SUMF1: variants seen among roughly 807,000 people sequenced by gnomAD.
SUMF1 encodes the protein formylglycine-generating enzyme.
In SUMF1, 48 loss-of-function variants were observed where a neutral mutation model predicts 47.6. The ratio of observed to expected loss-of-function variants is 1.01; its 90% CI spans 0.80 to 1.28. The LOEUF (loss-of-function observed/expected upper bound fraction) is 1.28, where lower values mean the gene tolerates loss of function less well. Ranked by LOEUF, SUMF1 falls within the 50% of genes most tolerant of loss-of-function variation. SUMF1 has a pLI of 0.00. For synonymous variants in SUMF1, 230 were observed against 192.1 expected, an observed-to-expected ratio of 1.20 and a Z score of -1.63; for missense variants, 571 against 485.4, an observed-to-expected ratio of 1.18 and a Z score of -1.66.
intron 8 of SUMF1, among the ~76,000 whole-genome samples, chr3:4,205,191 C>T (rs1039844187): frequency 1.3e-5 from 2 of 152,160 alleles, no homozygotes; most frequent in East Asian, 1.9e-4. Flanking sequence ...TTGCAATCTT[C>T]CCCAACCCTT....
intron 8 of SUMF1, among the ~76,000 whole-genome samples, chr3:4,226,264 C>CTTTTTTTTTTTTTTTTT (rs869300368): frequency 1.8e-4 from 16 of 86,980 alleles, no homozygotes; most frequent in African/African-American, 2.7e-4. Flanking sequence ...TTTTTTGTTT[C>CTTTTTTTTTTTTTTTTT]TTTTTTTTTT....
chr3:4,253,410 G>T (rs568427780), intron 8 of SUMF1, among the ~76,000 whole-genome samples: 2 of 152,326 alleles, frequency 1.3e-5, no homozygotes, highest in African/African-American at 4.8e-5. Flanking sequence ...TGCGTGCACC[G>T]TGCACGAGCG....
intron 7 of SUMF1, among the ~76,000 whole-genome samples, chr3:4,377,536 A>T (rs1700367611): frequency 6.6e-6 from 1 of 152,218 alleles, no homozygotes; most frequent in Non-Finnish European, 1.5e-5. Context: ...GAAGTGTAGG[A>T]AATTAGGCAA....
chr3:4,175,280 T>G (rs1228140328), intron 8 of SUMF1, among the ~76,000 whole-genome samples: 2 of 152,104 alleles, frequency 1.3e-5, no homozygotes, highest in East Asian at 3.9e-4. Flanking sequence ...ACCTCCCAGT[T>G]GGGGTCGACA....
chr3:4,091,490 G>GT (rs1468584937), intron 8 of SUMF1, among the ~76,000 whole-genome samples: 1 of 152,064 alleles, frequency 6.6e-6, no homozygotes, highest in Non-Finnish European at 1.5e-5. Context: ...CCTTTCACCT[G>GT]TGTCTTCCTT....
At chr3:4,201,811 A>G (rs1695546189) in intron 8 of SUMF1, among the ~76,000 whole-genome samples, 1 of 151,944 alleles carries the variant, frequency 6.6e-6, no homozygotes, top group Non-Finnish European at 1.5e-5. Context: ...TTTTCGATGA[A>G]AGCCATTTTA....
chr3:4,398,478 A>G (rs1246647325), intron 7 of SUMF1, among the ~76,000 whole-genome samples: 3 of 152,218 alleles, frequency 2.0e-5, no homozygotes, highest in Non-Finnish European at 2.9e-5. Context: ...ACCTGGTTTT[A>G]TTTCCAGATC....
At position 4,317,520 on chromosome 3, in the gene SUMF1, T is replaced by C. The variant is rs184685231; in HGVS notation, c.1014+58810A>G. 1.3e-3 allele frequency: 303 copies of C among 237,450 alleles called. 1 individual carries two copies. Among genetic ancestry groups the C allele is most frequent in the Middle Eastern group, 3.1e-3 (2 of 636 alleles). 14.7% of individuals were successfully genotyped at this position (237,450 alleles called of 1,614,324 possible). ...CAACATAGTGAGACCCTGACTCTAA[T>C]AAAATAATTTTTTAAAAAAAGATTA... is the stretch of plus-strand genomic sequence containing the variant. On this transcript the variant is annotated intron_variant and NMD_transcript_variant, in intron 8 of 12. Transcript: ENST00000448413.
At chr3:4,425,480 C>T (rs1559292163) in intron 3 of SUMF1, among the ~76,000 whole-genome samples, 2 of 152,064 alleles carry the variant, frequency 1.3e-5, no homozygotes, top group Admixed American at 6.6e-5. Flanking sequence ...TGAAAATCTA[C>T]CCCCATATCT....
intron 8 of SUMF1, chr3:4,068,786 A>T: frequency 3.4e-6 from 1 of 296,532 alleles, no homozygotes; most frequent in East Asian, 9.3e-5. Context: ...AATAATAATA[A>T]CATGAATAGG....
chr3:4,147,258 G>A (rs886495365), intron 8 of SUMF1, among the ~76,000 whole-genome samples: 11 of 152,180 alleles, frequency 7.2e-5, no homozygotes, highest in East Asian at 5.8e-4. Flanking sequence ...TCAGTGTGGC[G>A]ATTCCTCAGG....
chr3:4,460,099 A>G (rs2079769951), intron 1 of SUMF1, among the ~76,000 whole-genome samples: 1 of 152,216 alleles, frequency 6.6e-6, no homozygotes, highest in Non-Finnish European at 1.5e-5. Flanking sequence ...ATGATGAGCT[A>G]CAAGAACAAA....
chr3:4,080,318 A>G (rs1692532602), intron 8 of SUMF1, among the ~76,000 whole-genome samples: 1 of 152,156 alleles, frequency 6.6e-6, no homozygotes, highest in Non-Finnish European at 1.5e-5. Flanking sequence ...CTAATGGGCT[A>G]TGACCCACAA....
intron 7 of SUMF1, among the ~76,000 whole-genome samples, chr3:4,384,117 T>C (rs1241202974): frequency 6.6e-6 from 1 of 152,232 alleles, no homozygotes; most frequent in African/African-American, 2.4e-5. Context: ...TCTGCCTGTG[T>C]ATCTATCTGA....
chr3:4,288,159 T>C (rs781659336), intron 8 of SUMF1, among the ~76,000 whole-genome samples: 1 of 152,136 alleles, frequency 6.6e-6, no homozygotes, highest in African/African-American at 2.4e-5. Context: ...TATACAATAA[T>C]ACAAATGAAG....
At chr3:4,308,436 A>G (rs909274771) in intron 8 of SUMF1, among the ~76,000 whole-genome samples, 7 of 152,262 alleles carry the variant, frequency 4.6e-5, no homozygotes, top group African/African-American at 1.7e-4. Context: ...TGCCAGAAAC[A>G]TATGTTGTTT....
chr3:4,395,040 C>G (rs748055780), intron 7 of SUMF1, among the ~76,000 whole-genome samples: 1 of 152,190 alleles, frequency 6.6e-6, no homozygotes. Flanking sequence ...GTATACTAAT[C>G]CTTATCATCG....
intron 8 of SUMF1, among the ~76,000 whole-genome samples, chr3:4,143,659 G>A (rs1694124280): frequency 6.6e-6 from 1 of 152,124 alleles, no homozygotes; most frequent in African/African-American, 2.4e-5. Context: ...AATGTACAGA[G>A]AAAGGGGGAA....
At chr3:4,195,784 C>CT (rs942245248) in intron 8 of SUMF1, among the ~76,000 whole-genome samples, 3 of 151,008 alleles carry the variant, frequency 2.0e-5, no homozygotes, top group African/African-American at 4.9e-5. Context: ...AAAGCTAGGA[C>CT]TTTTTTTTTC....
Sources: gnomAD v4.1 joint callset for allele counts (sites outside exome capture counted in the v4.1 genomes callset) on GRCh38, gnomAD v4.1.1 for gene constraint, MANE v1.5 for transcripts, NCBI Gene and HGNC (gene_info 2026-07-23, HGNC 2026-07-21) for gene names.